TAF1A: variants seen among roughly 807,000 people sequenced by gnomAD.
The protein encoded by TAF1A is TATA-box binding protein associated factor, RNA polymerase I subunit A, also known as TATA box-binding protein-associated factor RNA polymerase I subunit A.
TAF1A carries 42 observed loss-of-function variants against 61.6 expected under a neutral mutation model. The ratio of observed to expected loss-of-function variants is 0.68; its 90% CI spans 0.53 to 0.88. The LOEUF (loss-of-function observed/expected upper bound fraction) is 0.88. Ranked by LOEUF, TAF1A falls within the 40% of genes least tolerant of loss-of-function variation. The pLI is 0.00. For missense variants in TAF1A, 424 were observed against 518.7 expected, an observed-to-expected ratio of 0.82 and a Z score of 1.77; for synonymous variants, 179 against 177.7, an observed-to-expected ratio of 1.01 and a Z score of -0.06.
At chr1:222,562,281 T>C (rs1241263885) in intron 9 of TAF1A, among the ~76,000 whole-genome samples, 1 of 152,232 alleles carries the variant, frequency 6.6e-6, no homozygotes, top group African/African-American at 2.4e-5. Flanking sequence ...ACAGTCTACG[T>C]TGCACATTAG....
intron 3 of TAF1A, among the ~76,000 whole-genome samples, chr1:222,581,651 T>C (rs1056296218): frequency 2.0e-5 from 3 of 151,948 alleles, no homozygotes; most frequent in African/African-American, 7.3e-5. Flanking sequence ...CAGGTTGCAG[T>C]TGGAGTAAGG....
At chr1:222,561,614 AG>A (rs1659920223) in intron 9 of TAF1A, 96 bp from the exon 10 acceptor site, 1 of 1,241,824 alleles carries the variant, frequency 8.1e-7, no homozygotes, top group African/African-American at 1.5e-5. Flanking sequence ...AAAGATGACA[AG>A]GAAGATGCTT....
chr1:222,569,386 T>C (rs916359917), intron 7 of TAF1A, 124 bp downstream of exon 7: 1 of 1,582,818 alleles, frequency 6.3e-7, no homozygotes, highest in Admixed American at 1.8e-5. Flanking sequence ...TCTCTGTTTA[T>C]CTCAGTGTAC....
chr1:222,581,957 T>C (rs532518527), intron 3 of TAF1A, among the ~76,000 whole-genome samples: 1 of 152,204 alleles, frequency 6.6e-6, no homozygotes, highest in Non-Finnish European at 1.5e-5. Flanking sequence ...ATAATGAGAC[T>C]GGGGATAGGA....
chr1:222,554,737 A>G (rs926688756), downstream of TAF1A, among the ~76,000 whole-genome samples: 4 of 152,180 alleles, frequency 2.6e-5, no homozygotes, highest in African/African-American at 9.7e-5. Flanking sequence ...TTACAGAATA[A>G]AGGTGAGGCC....
At chr1:222,588,334 C>T in intron 2 of TAF1A, 109 bp downstream of exon 2, 1 of 1,362,984 alleles carries the variant, frequency 7.3e-7, no homozygotes, top group Non-Finnish European at 9.9e-7. Flanking sequence ...AAAAACCCTC[C>T]ACATATTCCT....
rs746975880 is a variant in TAF1A at position 222,577,631 on chromosome 1, G to A, written c.418C>T (p.His140Tyr). The A allele has an allele frequency of 3.7e-6, 6 of 1,613,548 alleles. No homozygotes were observed. The Admixed American group carries it at 5.0e-5, about 13-fold the overall frequency. The change falls in exon 5 of 11, where the codon CAT becomes TAT. Residue 140 changes from histidine (H) to tyrosine (Y), a missense_variant. Physicochemically the swap from His to Tyr is moderately conservative, Grantham distance 83. Transcript: ENST00000352967. ...VMNYLKISLQ[H>Y]ALYLLHHGML... The stretch of plus-strand genomic sequence containing the variant: ...CCATGATGCAGAAGGTATAATGCAT[G>A]TTGTAAGGAGATCTGCAAAAATAAT...
downstream of TAF1A, among the ~76,000 whole-genome samples, chr1:222,555,150 A>G (rs1659711873): frequency 6.6e-6 from 1 of 152,160 alleles, no homozygotes; most frequent in Admixed American, 6.5e-5. Flanking sequence ...AGTGCTAGGG[A>G]GGATGAAGAG....
In TAF1A at chr1:222,577,534, C is replaced by T. The variant is rs145721552; in HGVS notation, c.515G>A (p.Arg172Gln). ...CTGAATAAGGTTGATTAATATTTCCCGGGAAGACGTATTTTCACCATGTCT... is the reference window on the plus strand; with the variant it reads ...CTGAATAAGGTTGATTAATATTTCCTGGGAAGACGTATTTTCACCATGTCT... ...TWRHGENTSS[R>Q]EILINLIQAY... Residue 172 changes from arginine (R) to glutamine (Q), a missense_variant, in exon 5 of 11, where the codon CGG becomes CAG. By Grantham distance (43) the Arg-to-Gln change is conservative. Transcript: ENST00000352967. 2.7e-5 allele frequency: 43 copies of T among 1,613,906 alleles called. No individual in the cohort carries two copies. The highest frequency in any genetic ancestry group is 1.8e-4 in the East Asian group (8 of 44,858).
intron 9 of TAF1A, 84 bp downstream of exon 9, chr1:222,563,089 A>G: frequency 7.8e-7 from 1 of 1,289,218 alleles, no homozygotes; most frequent in Non-Finnish European, 1.1e-6. Context: ...AACATAAGCA[A>G]AGATCTTTAA....
intron 2 of TAF1A, among the ~76,000 whole-genome samples, chr1:222,584,941 C>T (rs1334400375): frequency 6.6e-6 from 1 of 152,140 alleles, no homozygotes; most frequent in Admixed American, 6.5e-5. Flanking sequence ...TAATTGTACC[C>T]CAGTAAGTAC....
intron 9 of TAF1A, among the ~76,000 whole-genome samples, chr1:222,561,803 T>C (rs540674451): frequency 4.6e-5 from 7 of 152,276 alleles, no homozygotes; most frequent in African/African-American, 1.7e-4. Context: ...AAATATCAGC[T>C]CTTCCATCTA....
rs189192503 is a variant in TAF1A, at chr1:222,583,986, A to C, written c.291+142T>G. The C allele has an allele frequency of 4.8e-6, 4 of 826,484 alleles. No individual in the cohort carries two copies. In the African/African-American group the frequency reaches 7.1e-5, roughly 15 times the overall value. The allele number at this position is 826,484 out of a possible 1,614,324, so 51.2% of individuals were successfully genotyped here. ...AAAAGAAGTGTGCAAAAAAGGTCCC[A>C]ATACAAACTCTCCACTCAAAAGTAG... On this transcript the variant is annotated intron_variant, in intron 3 of 10. Transcript: ENST00000352967.
At position 222,558,644 on chromosome 1, in the gene TAF1A, TA is replaced by T; in HGVS notation, c.*15del. 1 of 1,372,202 alleles carries T rather than the reference TA, an allele frequency of 7.3e-7. No homozygotes were observed. The highest frequency in any genetic ancestry group is 1.9e-4 in the Middle Eastern group (1 of 5,282). The allele number at this position is 1,372,202 out of a possible 1,614,324, so 85.0% of individuals were successfully genotyped here. Reference sequence around the variant, plus strand: ...TTACTGTGTAGCTACAACTGTGAAATAACTAAAATTCAGTATCAGAGTCTTG... The same window carrying T: ...TTACTGTGTAGCTACAACTGTGAAATACTAAAATTCAGTATCAGAGTCTTG... On this transcript the variant is annotated 3_prime_UTR_variant, in exon 11 of 11. Transcript: ENST00000352967.
At chr1:222,578,246 C>T (rs1269618464) in intron 4 of TAF1A, among the ~76,000 whole-genome samples, 1 of 152,112 alleles carries the variant, frequency 6.6e-6, no homozygotes, top group East Asian at 1.9e-4. Context: ...AAAGGGAAGA[C>T]ATTAAAGAGG....
chr1:222,557,631 A>G (rs544462741), downstream of TAF1A, among the ~76,000 whole-genome samples: 1 of 150,896 alleles, frequency 6.6e-6, no homozygotes, highest in Admixed American at 6.6e-5. Context: ...TTTTTTTGGT[A>G]TTTTTAGTAG....
chr1:222,576,753 T>C (rs1289252756), intron 5 of TAF1A, among the ~76,000 whole-genome samples: 3 of 152,208 alleles, frequency 2.0e-5, no homozygotes, highest in Non-Finnish European at 4.4e-5. Context: ...ACAAAGTAAA[T>C]TAAACTCCAT....
In TAF1A at chr1:222,583,273, G is replaced by C. The variant is rs1268094432; in HGVS notation, c.291+855C>G. Among the ~76,000 whole-genome samples the C allele has an allele frequency of 3.3e-5, 5 of 152,134 alleles. 1 individual carries two copies. Among genetic ancestry groups the C allele is most frequent in the Admixed American group, 3.3e-4 (5 of 15,266 alleles). On this transcript the variant is annotated intron_variant, in intron 3 of 10. Coordinates refer to ENST00000352967, the MANE Select transcript of TAF1A (RefSeq NM_005681.4). ...GAGGAGGAATGGGGAAGGACTGCAAGTGGGTACAGGGTTTTGGTTTCATGG... is the reference window on the plus strand; with the variant it reads ...GAGGAGGAATGGGGAAGGACTGCAACTGGGTACAGGGTTTTGGTTTCATGG...
At chr1:222,565,050 A>G (rs2102642558) in intron 7 of TAF1A, among the ~76,000 whole-genome samples, 1 of 152,346 alleles carries the variant, frequency 6.6e-6, no homozygotes, top group South Asian at 2.1e-4. Context: ...CAGTTTTCAC[A>G]AAGTTAAACA....
Sources: allele counts gnomAD v4.1 joint callset (sites outside exome capture counted in the v4.1 genomes callset), GRCh38; gene constraint gnomAD v4.1.1; transcripts MANE v1.5; gene names NCBI Gene and HGNC (gene_info 2026-07-23, HGNC 2026-07-21).